ITFG2: variants seen among roughly 807,000 people sequenced by gnomAD.
ITFG2 encodes KICSTOR complex protein ITFG2.
A neutral mutation model predicts 54.4 loss-of-function variants in ITFG2; 36 were observed. The observed-to-expected ratio is 0.66, with a 90% CI of 0.51 to 0.87. ITFG2 has a LOEUF of 0.87. Ranked by LOEUF, ITFG2 falls within the 40% of genes least tolerant of loss-of-function variation. The probability of loss-of-function intolerance (pLI) is 0.00; values close to 1 mark genes in which losing one functional copy is unlikely to be tolerated. For missense variants in ITFG2, 524 were observed against 576.7 expected, an observed-to-expected ratio of 0.91 and a Z score of 0.94; for synonymous variants, 211 against 225.4, an observed-to-expected ratio of 0.94 and a Z score of 0.57.
chr12:2,854,765 A>G (rs1193704654), intron 2 of ITFG2: 1 of 954,796 alleles, frequency 1.0e-6, no homozygotes, highest in African/African-American at 1.7e-5. Context: ...CTACACTCAG[A>G]AAAGAGTTTG....
In ITFG2 at chr12:2,822,121, G is replaced by A. The variant is rs566074168; in HGVS notation, c.948+329G>A. ...TTTCCTAAACTTTTTGTAAAGATGAGATCTCACTATATATGGTTTCAAACT... is the reference window on the plus strand; with the variant it reads ...TTTCCTAAACTTTTTGTAAAGATGAAATCTCACTATATATGGTTTCAAACT... On this transcript the variant is annotated intron_variant, in intron 9 of 11. Transcript: ENST00000228799. Among the ~76,000 whole-genome samples, 110 of 152,038 alleles carry A rather than the reference G, an allele frequency of 7.2e-4. 2 individuals are homozygous for A. In the South Asian group the frequency reaches 0.022, roughly 30 times the overall value.
chr12:2,853,821 G>A (rs967984593), intron 2 of ITFG2, among the ~76,000 whole-genome samples: 7 of 151,980 alleles, frequency 4.6e-5, no homozygotes, highest in South Asian at 2.1e-4. Context: ...GGTTCACAGC[G>A]GCTCCTCTCA....
At chr12:2,841,238 T>TGG (rs1473728169) in intron 2 of ITFG2, among the ~76,000 whole-genome samples, 2 of 152,250 alleles carry the variant, frequency 1.3e-5, no homozygotes, top group East Asian at 1.9e-4. Context: ...TCAGTCACCC[T>TGG]GGCATAGTGC....
At chr12:2,817,862 A>C (rs1603482727) in intron 2 of ITFG2, 47 bp from the exon 3 acceptor site, 5 of 1,560,720 alleles carry the variant, frequency 3.2e-6, no homozygotes, top group Non-Finnish European at 4.4e-6. Flanking sequence ...ATCAGGGAGT[A>C]CTGGTCTCCC....
rs944755862 is a variant in ITFG2, at chr12:2,825,050, T to A, written c.*857T>A. 1.3e-5 allele frequency: 2 copies of A among 152,280 alleles called. No homozygotes were observed. Among genetic ancestry groups the A allele is most frequent in the African/African-American group, 2.4e-5 (1 of 41,458 alleles). The allele number at this position is 152,280 out of a possible 1,614,324, so 9.4% of individuals were successfully genotyped here. A position where few individuals can be genotyped will look rare whatever the true frequency, so the allele number is the denominator to read the frequency against. On this transcript the variant is annotated 3_prime_UTR_variant, in exon 12 of 12. Coordinates refer to ENST00000228799, the MANE Select transcript of ITFG2 (RefSeq NM_018463.4). ...CATTTTTTAAATAGGTAGAATAGAA[T>A]AAAGTAAAATAGAAAATAGCAGAGT...
At chr12:2,844,611 T>TC (rs2098049170) in intron 2 of ITFG2, among the ~76,000 whole-genome samples, 1 of 152,156 alleles carries the variant, frequency 6.6e-6, no homozygotes, top group Admixed American at 6.5e-5. Flanking sequence ...GCTTAGTATC[T>TC]CCAAGGTGGA....
At chr12:2,854,889 G>A (rs1312781954) in intron 2 of ITFG2, 40 of 1,530,958 alleles carry the variant, frequency 2.6e-5, no homozygotes, top group South Asian at 7.2e-5. Context: ...AGGAGGCACC[G>A]TCTTACTTCT....
At position 2,840,405 on chromosome 12, in the gene ITFG2, G is replaced by A. The variant is rs555218358; in HGVS notation, n.147-437G>A. ...GAGGTGGATCAAGTTGAAGTGAGCC[G>A]AGATCACGTCACTGCACCCCAGCCT... On this transcript the variant is annotated intron_variant and non_coding_transcript_variant, in intron 1 of 3. Transcript: ENST00000537710. Among the ~76,000 whole-genome samples the A allele has an allele frequency of 8.0e-5, 12 of 149,804 alleles. No individual in the cohort carries two copies. In the East Asian group the frequency reaches 2.0e-3, roughly 25 times the overall value.
rs889542232 is a variant in ITFG2 at position 2,820,138 on chromosome 12, A to T, written c.459A>T (p.Arg153=). 6.8e-6 allele frequency: 11 copies of T among 1,613,900 alleles called. No individual in the cohort carries two copies. In the African/African-American group the frequency reaches 1.5e-4, roughly 22 times the overall value. Residue 153 remains arginine, a synonymous_variant, in exon 5 of 12, where the codon CGA becomes CGT. Coordinates refer to ENST00000228799, the MANE Select transcript of ITFG2 (RefSeq NM_018463.4). ...LVVGYTDRVV[R]AFRWEELGEG... ...TGGGCTACACAGACCGTGTGGTGCGAGCTTTCCGCTGGGAGGAGCTAGGTG... is the reference window on the plus strand; with the variant it reads ...TGGGCTACACAGACCGTGTGGTGCGTGCTTTCCGCTGGGAGGAGCTAGGTG...
downstream of ITFG2, among the ~76,000 whole-genome samples, chr12:2,828,990 A>T (rs140302312): frequency 1.0e-3 from 157 of 152,246 alleles, no homozygotes; most frequent in African/African-American, 3.5e-3. Context: ...ACTTGAAGCC[A>T]GGAGTTCAAG....
At chr12:2,851,333 G>C (rs1400829868) in intron 2 of ITFG2, among the ~76,000 whole-genome samples, 1 of 152,042 alleles carries the variant, frequency 6.6e-6, no homozygotes, top group South Asian at 2.1e-4. Flanking sequence ...ACATGATTTG[G>C]TGACACTAAA....
intron 2 of ITFG2, among the ~76,000 whole-genome samples, chr12:2,854,297 T>C (rs1443772842): frequency 1.3e-5 from 2 of 152,260 alleles, no homozygotes; most frequent in South Asian, 2.1e-4. Context: ...AGTTCTGGGA[T>C]TACAGGCGTG....
rs573339984 is a variant in ITFG2, at chr12:2,856,270, T to C, written n.301-1742T>C. 2.0e-5 allele frequency among the ~76,000 whole-genome samples: 3 copies of C among 152,318 alleles called. No individual in the cohort carries two copies. In the South Asian group the frequency reaches 6.2e-4, roughly 32 times the overall value. ...GTCTGTGCTCTTGCTTGGCATACCA[T>C]GCTGGGTGAAATGAAATGGCCTTAC... On this transcript the variant is annotated intron_variant and non_coding_transcript_variant, in intron 2 of 3. Coordinates refer to the ITFG2 transcript ENST00000537710.
chr12:2,854,537 C>A (rs2098081192), intron 2 of ITFG2, among the ~76,000 whole-genome samples: 1 of 152,074 alleles, frequency 6.6e-6, no homozygotes, highest in Non-Finnish European at 1.5e-5. Context: ...TAACTGACTT[C>A]CTTACAACAC....
intron 4 of ITFG2, 155 bp from the exon 5 acceptor site, chr12:2,819,931 G>T (rs1042236779): frequency 1.0e-5 from 9 of 899,126 alleles, no homozygotes; most frequent in Non-Finnish European, 1.4e-5. Flanking sequence ...GCAAGATGCC[G>T]CAAACACAGG....
At chr12:2,837,781 A>G (rs979689922) in intron 1 of ITFG2, among the ~76,000 whole-genome samples, 2 of 152,208 alleles carry the variant, frequency 1.3e-5, no homozygotes, top group African/African-American at 4.8e-5. Context: ...GTGAGCTATG[A>G]TGGCACCACT....
chr12:2,838,204 A>T (rs2098033118), intron 1 of ITFG2, among the ~76,000 whole-genome samples: 5 of 152,192 alleles, frequency 3.3e-5, no homozygotes, highest in Admixed American at 3.3e-4. Context: ...TAATTGATAG[A>T]TTATTGAGTG....
chr12:2,837,358 G>A (rs1467074287), intron 1 of ITFG2, among the ~76,000 whole-genome samples: 1 of 152,154 alleles, frequency 6.6e-6, no homozygotes, highest in Non-Finnish European at 1.5e-5. Flanking sequence ...GGCGCCTGTA[G>A]TCCCAGCTAC....
intron 4 of ITFG2, chr12:2,819,555 C>T (rs541548026): frequency 4.6e-5 from 7 of 151,808 alleles, no homozygotes; most frequent in East Asian, 1.9e-4. Context: ...TGCTTGAGCC[C>T]GGAAGGTGGA....
Sources: gnomAD v4.1 joint callset for allele counts (sites outside exome capture counted in the v4.1 genomes callset) on GRCh38, gnomAD v4.1.1 for gene constraint, MANE v1.5 for transcripts, NCBI Gene and HGNC (gene_info 2026-07-23, HGNC 2026-07-21) for gene names.